GUCY1A2: variants seen among roughly 807,000 people sequenced by gnomAD.
GUCY1A2 encodes guanylate cyclase soluble subunit alpha-2.
In GUCY1A2, 27 loss-of-function variants were observed where a neutral mutation model predicts 63.5. The observed-to-expected ratio is 0.43, with a 90% CI of 0.31 to 0.59. GUCY1A2 has a LOEUF of 0.59. Ranked by LOEUF, GUCY1A2 falls within the 20% of genes least tolerant of loss-of-function variation. The probability of loss-of-function intolerance (pLI) is 0.11; values close to 1 mark genes in which losing one functional copy is unlikely to be tolerated. For missense variants in GUCY1A2, 768 were observed against 913.3 expected (o/e 0.84, Z 2.05); for synonymous variants, 364 against 343.5 (o/e 1.06, Z -0.66).
intron 3 of GUCY1A2, among the ~76,000 whole-genome samples, chr11:106,943,098 T>C (rs1380709497): frequency 6.6e-6 from 1 of 152,178 alleles, no homozygotes; most frequent in African/African-American, 2.4e-5. Context: ...GATTTGAAAA[T>C]ATTAAAACTA....
chr11:106,742,307 A>C (rs1863708460), intron 6 of GUCY1A2, among the ~76,000 whole-genome samples: 2 of 152,124 alleles, frequency 1.3e-5, no homozygotes, highest in African/African-American at 4.8e-5. Flanking sequence ...CCCAGTATCT[A>C]TTAGCTATTC....
intron 4 of GUCY1A2, among the ~76,000 whole-genome samples, chr11:106,913,117 T>C (rs1286432129): frequency 1.3e-5 from 1 of 74,216 alleles, no homozygotes; most frequent in East Asian, 4.8e-4. Context: ...TGGAATTTTT[T>C]TCAAAAGATA....
At chr11:107,004,157 C>G (rs780867639) in intron 1 of GUCY1A2, among the ~76,000 whole-genome samples, 2 of 152,086 alleles carry the variant, frequency 1.3e-5, no homozygotes, top group African/African-American at 2.4e-5. Flanking sequence ...TCCTTCATTA[C>G]TAAAGGGGCA....
At chr11:106,776,380 T>C in intron 6 of GUCY1A2, 59 bp downstream of exon 6, 1 of 1,361,234 alleles carries the variant, frequency 7.3e-7, no homozygotes, top group South Asian at 1.2e-5. Flanking sequence ...AAGGGAATTA[T>C]TTGCCTCCTC....
chr11:106,876,536 T>C (rs1458212700), intron 4 of GUCY1A2, among the ~76,000 whole-genome samples: 2 of 152,034 alleles, frequency 1.3e-5, no homozygotes, highest in African/African-American at 4.8e-5. Flanking sequence ...TCAAACTTTC[T>C]CTCCACCAGG....
At chr11:106,814,838 C>G (rs1858809921) in intron 4 of GUCY1A2, among the ~76,000 whole-genome samples, 1 of 152,012 alleles carries the variant, frequency 6.6e-6, no homozygotes, top group Admixed American at 6.6e-5. Flanking sequence ...AATCTAGAGT[C>G]TCCTAACAAA....
intron 4 of GUCY1A2, among the ~76,000 whole-genome samples, chr11:106,875,834 C>CT (rs112234840): frequency 2.6e-4 from 40 of 152,012 alleles, no homozygotes; most frequent in Middle Eastern, 3.4e-3. Context: ...TATATCTATG[C>CT]TTTTTTTATC....
rs1379332446 is a variant in GUCY1A2 at position 106,676,778 on chromosome 11, A to G, written c.*10771T>C. On this transcript the variant is annotated 3_prime_UTR_variant, in exon 8 of 8. Coordinates refer to ENST00000526355, the MANE Select transcript of GUCY1A2 (RefSeq NM_000855.3). ...TTTTTTTTCTATTTCAGTCTTTAGC[A>G]GTGTGGTACTCACATAAAAAAAAAT... is the stretch of plus-strand genomic sequence containing the variant. 5.1e-6 allele frequency: 1 copy of G among 195,882 alleles called. No individual in the cohort carries two copies. Among genetic ancestry groups the G allele is most frequent in the East Asian group, 7.9e-5 (1 of 12,646 alleles). The allele number at this position is 195,882 out of a possible 1,614,324, so 12.1% of individuals were successfully genotyped here.
chr11:106,956,698 T>C (rs899372720), intron 3 of GUCY1A2, among the ~76,000 whole-genome samples: 58 of 152,274 alleles, frequency 3.8e-4, no homozygotes, highest in Middle Eastern at 6.8e-3. Context: ...ACCAACCTGA[T>C]GCCAGTAGGA....
intron 4 of GUCY1A2, among the ~76,000 whole-genome samples, chr11:106,905,591 C>T (rs1218260199): frequency 6.6e-6 from 1 of 152,072 alleles, no homozygotes; most frequent in Non-Finnish European, 1.5e-5. Context: ...GGATCAAGCA[C>T]TTATCACTGA....
At chr11:106,992,361 G>A (rs915265355) in intron 1 of GUCY1A2, among the ~76,000 whole-genome samples, 7 of 123,442 alleles carry the variant, frequency 5.7e-5, no homozygotes, top group South Asian at 2.5e-4. Context: ...ACCGAGTCTC[G>A]CTCTGTCCCC....
At chr11:106,771,755 A>G (rs1864260472) in intron 6 of GUCY1A2, among the ~76,000 whole-genome samples, 2 of 136,664 alleles carry the variant, frequency 1.5e-5, no homozygotes, top group South Asian at 2.7e-4. Flanking sequence ...CTGTGTCTTG[A>G]GGAAAAAAAA....
chr11:106,828,186 GC>G lies in GUCY1A2; in HGVS notation c.1207-17709del, dbSNP rs1437880518. On this transcript the variant is annotated intron_variant, in intron 4 of 7. Transcript: ENST00000526355. ...GATTTTTTTCTTTTGCTGTGCAGAA[GC>G]TTTTTAGTTTGATAAAGTCACATTT... is the stretch of plus-strand genomic sequence containing the variant. Among the ~76,000 whole-genome samples, 122 of 152,088 alleles carry G rather than the reference GC, an allele frequency of 8.0e-4. 1 individual carries two copies. The highest frequency in any genetic ancestry group is 8.8e-4 in the Non-Finnish European group (60 of 67,984).
intron 4 of GUCY1A2, among the ~76,000 whole-genome samples, chr11:106,917,768 G>A (rs1860387298): frequency 9.2e-6 from 1 of 109,176 alleles, no homozygotes; most frequent in Non-Finnish European, 1.9e-5. Flanking sequence ...ACAGGAAGGG[G>A]AGCATCACAC....
At chr11:106,925,451 T>C (rs773719314) in intron 4 of GUCY1A2, among the ~76,000 whole-genome samples, 6 of 152,212 alleles carry the variant, frequency 3.9e-5, no homozygotes, top group Non-Finnish European at 7.3e-5. Flanking sequence ...AATGATGTCA[T>C]AGATTCTGGG....
At chr11:106,762,342 T>C (rs57976144) in intron 6 of GUCY1A2, among the ~76,000 whole-genome samples, 2,165 of 152,218 alleles carry the variant, frequency 0.014, 51 homozygotes, top group African/African-American at 0.048. Flanking sequence ...TCCAAAGATA[T>C]AATAGCTATC....
Position 106,810,155 on chromosome 11 carries a change from C to A in GUCY1A2, c.1530G>T (p.Gln510His). Residue 510 changes from glutamine (Q) to histidine (H), a missense_variant, in exon 5 of 8, where the codon CAG (glutamine) becomes CAT (histidine). By Grantham distance (24) the Gln-to-His change is conservative. This residue lies in a region of GUCY1A2 where 122 missense variants were observed against 238.1 expected (regional missense o/e 0.51). Coordinates refer to ENST00000526355, the MANE Select transcript of GUCY1A2 (RefSeq NM_000855.3). ...GDVAQQLWQG[Q>H]QVQARKFDDV... ...CATCAAACTTTCTGGCCTGTACTTG[C>A]TGCCCTTGCCATAATTGCTGGGCTA... 1 of 1,613,914 alleles carries A rather than the reference C, an allele frequency of 6.2e-7. No homozygotes were observed. The highest frequency in any genetic ancestry group is 8.5e-7 in the Non-Finnish European group (1 of 1,179,828).
chr11:106,981,140 AAAG>A (rs1861330062), intron 2 of GUCY1A2, among the ~76,000 whole-genome samples: 1 of 152,236 alleles, frequency 6.6e-6, no homozygotes. Flanking sequence ...AATATATAAA[AAAG>A]AAGCTAGATC....
At chr11:106,902,500 C>T (rs1014922060) in intron 4 of GUCY1A2, among the ~76,000 whole-genome samples, 1 of 152,136 alleles carries the variant, frequency 6.6e-6, no homozygotes, top group Non-Finnish European at 1.5e-5. Context: ...CATCTTCTTC[C>T]AATAGAAGGA....
Sources: allele counts gnomAD v4.1 joint callset (sites outside exome capture counted in the v4.1 genomes callset), GRCh38; gene constraint gnomAD v4.1.1; regional missense constraint gnomAD v4.1.1; transcripts MANE v1.5; gene names NCBI Gene and HGNC (gene_info 2026-07-23, HGNC 2026-07-21).